CPNE4: variants seen among roughly 807,000 people sequenced by gnomAD.
The protein encoded by CPNE4 is copine 4, also known as copine-4.
In CPNE4, 25 loss-of-function variants were observed where a neutral mutation model predicts 67.9. That is an observed-to-expected ratio of 0.37 (90% CI 0.27 to 0.51). The LOEUF (loss-of-function observed/expected upper bound fraction) is 0.51. Among genes scored for constraint, CPNE4 ranks in the 20% least tolerant of loss-of-function variants. The probability of loss-of-function intolerance (pLI) is 0.93; values close to 1 mark genes in which losing one functional copy is unlikely to be tolerated. For missense variants in CPNE4, 464 were observed against 690.8 expected (o/e 0.67, Z 3.68); for synonymous variants, 242 against 244.9 (o/e 0.99, Z 0.11).
intron 7 of CPNE4, among the ~76,000 whole-genome samples, chr3:131,656,987 A>G (rs1450777366): frequency 1.3e-5 from 2 of 152,190 alleles, no homozygotes; most frequent in Non-Finnish European, 1.5e-5. Flanking sequence ...AAAATTATCC[A>G]CAACCTGAAA....
At chr3:131,749,663 T>C in intron 2 of CPNE4, among the ~76,000 whole-genome samples, 1 of 152,194 alleles carries the variant, frequency 6.6e-6, no homozygotes, top group East Asian at 1.9e-4. Flanking sequence ...AAGATTGTTA[T>C]GTCTTCTTAA....
chr3:131,554,738 T>C (rs768699121), intron 12 of CPNE4, among the ~76,000 whole-genome samples: 4 of 151,982 alleles, frequency 2.6e-5, no homozygotes, highest in Non-Finnish European at 5.9e-5. Flanking sequence ...AAATTGAGGA[T>C]TGGGCAGTGT....
At chr3:131,624,142 T>G (rs1471689927) in intron 7 of CPNE4, among the ~76,000 whole-genome samples, 1 of 152,178 alleles carries the variant, frequency 6.6e-6, no homozygotes, top group Non-Finnish European at 1.5e-5. Flanking sequence ...TTCCTTTTGT[T>G]CTGCCATGAC....
At chr3:131,779,596 T>C (rs2083382721) in intron 2 of CPNE4, among the ~76,000 whole-genome samples, 1 of 152,124 alleles carries the variant, frequency 6.6e-6, no homozygotes, top group Admixed American at 6.6e-5. Flanking sequence ...GAACTTCCTA[T>C]TCAATAAATG....
At chr3:131,580,447 CATAT>C (rs1559932379) in intron 9 of CPNE4, among the ~76,000 whole-genome samples, 20 of 86,618 alleles carry the variant, frequency 2.3e-4, no homozygotes, top group East Asian at 5.4e-4. Context: ...TATACATATA[CATAT>C]ACATATACAC....
chr3:131,745,318 C>T (rs1340870906), intron 2 of CPNE4, among the ~76,000 whole-genome samples: 1 of 152,058 alleles, frequency 6.6e-6, no homozygotes, highest in Non-Finnish European at 1.5e-5. Context: ...ATTCAAGACA[C>T]TAGTACTGTT....
At chr3:131,985,480 C>A (rs78290435) in intron 1 of CPNE4, among the ~76,000 whole-genome samples, 2,701 of 152,122 alleles carry the variant, frequency 0.018, 40 homozygotes, top group Non-Finnish European at 0.024. Context: ...ATTTTTAATA[C>A]CCATTTTAAA....
intron 1 of CPNE4, among the ~76,000 whole-genome samples, chr3:131,925,264 C>A (rs1276365079): frequency 6.6e-6 from 1 of 152,010 alleles, no homozygotes; most frequent in Non-Finnish European, 1.5e-5. Flanking sequence ...CAACATACCA[C>A]ATTTCAGCTC....
chr3:131,651,995 C>G (rs938483834), intron 7 of CPNE4, among the ~76,000 whole-genome samples: 2 of 152,204 alleles, frequency 1.3e-5, no homozygotes, highest in African/African-American at 2.4e-5. Context: ...GGATCCAGAA[C>G]TTACATAGGC....
At chr3:131,709,954 T>C (rs1030407421) in intron 3 of CPNE4, among the ~76,000 whole-genome samples, 4 of 152,208 alleles carry the variant, frequency 2.6e-5, no homozygotes, top group African/African-American at 9.6e-5. Context: ...TCTTATCCCA[T>C]GTGTGCTTTC....
intron 2 of CPNE4, among the ~76,000 whole-genome samples, chr3:131,774,322 G>A (rs924708231): frequency 3.4e-5 from 5 of 146,938 alleles, no homozygotes; most frequent in South Asian, 4.4e-4. Flanking sequence ...TATTTTCTAC[G>A]CTGAAAAAAA....
chr3:131,784,019 T>C (rs925006285), intron 2 of CPNE4, among the ~76,000 whole-genome samples: 1 of 152,146 alleles, frequency 6.6e-6, no homozygotes, highest in African/African-American at 2.4e-5. Flanking sequence ...CAGAGAAATT[T>C]TGCTCAGCAA....
chr3:131,618,493 C>A (rs1474866065), intron 7 of CPNE4, among the ~76,000 whole-genome samples: 1 of 152,064 alleles, frequency 6.6e-6, no homozygotes, highest in African/African-American at 2.4e-5. Context: ...GCTTACTATC[C>A]TTTGGGCTAC....
intron 2 of CPNE4, among the ~76,000 whole-genome samples, chr3:131,825,438 G>T (rs1003301960): frequency 6.6e-6 from 1 of 150,576 alleles, no homozygotes; most frequent in African/African-American, 2.5e-5. Flanking sequence ...AGGTTGCAGT[G>T]AGCTGATATC....
chr3:131,711,049 C>G (rs1014905473), intron 3 of CPNE4, among the ~76,000 whole-genome samples: 1 of 152,054 alleles, frequency 6.6e-6, no homozygotes, highest in African/African-American at 2.4e-5. Context: ...AAATGATTAT[C>G]ATCAAGTGGT....
chr3:131,822,786 C>T (rs534225837), intron 2 of CPNE4, among the ~76,000 whole-genome samples: 36 of 152,282 alleles, frequency 2.4e-4, no homozygotes, highest in African/African-American at 8.4e-4. Context: ...CCTTATTTCT[C>T]AGCAAGGAGG....
chr3:131,953,116 GGGTCCTCT>G (rs2071820497), intron 1 of CPNE4, among the ~76,000 whole-genome samples: 1 of 151,858 alleles, frequency 6.6e-6, no homozygotes, highest in Non-Finnish European at 1.5e-5. Context: ...GAGGGCCGCA[GGGTCCTCT>G]GCCTAGGAAA....
intron 2 of CPNE4, among the ~76,000 whole-genome samples, chr3:131,813,302 A>G (rs529713485): frequency 1.3e-4 from 19 of 151,164 alleles, no homozygotes; most frequent in African/African-American, 3.4e-4. Flanking sequence ...ATAAAGATTG[A>G]AAAGAAAAGA....
In CPNE4 at chr3:131,854,752, C is replaced by T. The variant is rs1002648371; in HGVS notation, c.180+50512G>A. Among the ~76,000 whole-genome samples the T allele has an allele frequency of 2.0e-5, 3 of 151,476 alleles. No homozygotes were observed. In the South Asian group the frequency reaches 6.3e-4, roughly 32 times the overall value. ...TCTCTCCCTCCATCTTTATTCTTTTCCTCCGTTCTTCCTTTATTCCCTCTC... is the reference window on the plus strand; with the variant it reads ...TCTCTCCCTCCATCTTTATTCTTTTTCTCCGTTCTTCCTTTATTCCCTCTC... On this transcript the variant is annotated intron_variant, in intron 2 of 15. Transcript: ENST00000429747.
Sources: gnomAD v4.1 joint callset for allele counts (sites outside exome capture counted in the v4.1 genomes callset) on GRCh38, gnomAD v4.1.1 for gene constraint, MANE v1.5 for transcripts, NCBI Gene and HGNC (gene_info 2026-07-23, HGNC 2026-07-21) for gene names.